OVCH1: variants seen among roughly 807,000 people sequenced by gnomAD.
OVCH1 encodes ovochymase 1.
A neutral mutation model predicts 138.4 loss-of-function variants in OVCH1; 139 were observed. The observed-to-expected ratio is 1.00, with a 90% CI of 0.87 to 1.16. The LOEUF (loss-of-function observed/expected upper bound fraction) is 1.16. OVCH1 is among the 50% of genes most tolerant of loss of function. OVCH1 has a pLI of 0.00. For synonymous variants in OVCH1, 453 were observed against 467.8 expected (o/e 0.97, Z 0.41); for missense variants, 1,367 against 1,357.9 (o/e 1.01, Z -0.11).
At chr12:29,409,284 G>A (rs898329656), downstream of OVCH1, among the ~76,000 whole-genome samples, 6 of 152,126 alleles carry the variant, frequency 3.9e-5, no homozygotes, top group Admixed American at 3.9e-4. Context: ...ATGTTTTGAA[G>A]GGTTTTTTGT....
At chr12:29,496,698 T>C (rs767649584) in intron 1 of OVCH1, 24 bp from the exon 2 acceptor site, 25 of 1,498,856 alleles carry the variant, frequency 1.7e-5, no homozygotes, top group Non-Finnish European at 2.3e-5. Context: ...CATGTGTGTG[T>C]GCACACACAG....
chr12:29,402,658 G>A, the OVCH1 span, among the ~76,000 whole-genome samples: 1 of 151,908 alleles, frequency 6.6e-6, no homozygotes, highest in East Asian at 1.9e-4. Context: ...GAAAAGAAAG[G>A]AGAAGAGGGA....
the OVCH1 span, among the ~76,000 whole-genome samples, chr12:29,403,125 C>T: frequency 6.6e-6 from 1 of 152,126 alleles, no homozygotes; most frequent in Non-Finnish European, 1.5e-5. Flanking sequence ...GCAAAATTTT[C>T]ATAATGTGGA....
chr12:29,487,843 C>T (rs776340207), exon 7 of OVCH1: 13 of 1,612,036 alleles, frequency 8.1e-6, no homozygotes, highest in Non-Finnish European at 2.5e-6. Flanking sequence ...ATCCAGATTC[C>T]ACCACCTCTT....
At chr12:29,496,071 G>A (rs1565618606) in intron 3 of OVCH1, 110 bp downstream of exon 3, 3 of 981,366 alleles carry the variant, frequency 3.1e-6, no homozygotes, top group Admixed American at 2.2e-5. Context: ...TACACTGGGA[G>A]GCAAAAGTAA....
chr12:29,405,105 A>G, the OVCH1 span, among the ~76,000 whole-genome samples: 2 of 151,716 alleles, frequency 1.3e-5, no homozygotes, highest in African/African-American at 2.4e-5. Flanking sequence ...AATATCAGCA[A>G]TTACACATAA....
At chr12:29,410,442 T>C (rs940294132), downstream of OVCH1, among the ~76,000 whole-genome samples, 1 of 151,512 alleles carries the variant, frequency 6.6e-6, no homozygotes, top group Non-Finnish European at 1.5e-5. Flanking sequence ...TTGCAGCGGC[T>C]GATACCGGTT....
intron 27 of OVCH1, among the ~76,000 whole-genome samples, chr12:29,433,266 C>A (rs1203130325): frequency 2.0e-5 from 3 of 152,138 alleles, no homozygotes; most frequent in Admixed American, 2.0e-4. Flanking sequence ...GTAATTGAAT[C>A]ATGGGGGTGG....
At chr12:29,423,283 G>T (rs1203070579), downstream of OVCH1, 2 of 455,664 alleles carry the variant, frequency 4.4e-6, no homozygotes, top group Admixed American at 4.7e-5. Flanking sequence ...CTCTTTCTTG[G>T]AGCCATGTAA....
the OVCH1 span, among the ~76,000 whole-genome samples, chr12:29,406,575 G>A: frequency 1.3e-5 from 2 of 151,208 alleles, no homozygotes; most frequent in African/African-American, 4.9e-5. Flanking sequence ...TTGTTCTTGT[G>A]ATAGTTTACT....
chr12:29,479,413 ATCTC>A (rs1282481092), intron 8 of OVCH1, among the ~76,000 whole-genome samples: 2 of 152,172 alleles, frequency 1.3e-5, no homozygotes, highest in South Asian at 2.1e-4. Context: ...TTAAAATGTC[ATCTC>A]TCTAACTCCC....
At chr12:29,405,021 CAAAAAAA>C in the OVCH1 span, among the ~76,000 whole-genome samples, 86 of 80,344 alleles carry the variant, frequency 1.1e-3, no homozygotes, top group East Asian at 6.0e-3. Context: ...CACTCCACCT[CAAAAAAA>C]AAAAAAAAAA....
chr12:29,455,981 T>G (rs77312406), intron 19 of OVCH1, among the ~76,000 whole-genome samples: 1 of 152,274 alleles, frequency 6.6e-6, no homozygotes, highest in Admixed American at 6.5e-5. Flanking sequence ...AGGGTGTTGG[T>G]GGTGAGGTGA....
intron 26 of OVCH1, among the ~76,000 whole-genome samples, chr12:29,438,238 A>G (rs1941400358): frequency 6.6e-6 from 1 of 152,160 alleles, no homozygotes; most frequent in Non-Finnish European, 1.5e-5. Context: ...GGTAATGCCA[A>G]ATTAACCACA....
intron 26 of OVCH1, among the ~76,000 whole-genome samples, chr12:29,436,859 A>C (rs914015311): frequency 1.3e-5 from 2 of 152,212 alleles, no homozygotes; most frequent in Non-Finnish European, 2.9e-5. Context: ...AAGAGTGAGC[A>C]GCAGCAAGAT....
At chr12:29,467,356 T>G (rs1942356953) in intron 16 of OVCH1, among the ~76,000 whole-genome samples, 1 of 152,142 alleles carries the variant, frequency 6.6e-6, no homozygotes, top group African/African-American at 2.4e-5. Flanking sequence ...TATCCTTCAG[T>G]TTAATGGAGA....
chr12:29,455,482 G>T, intron 19 of OVCH1, 77 bp from the exon 20 acceptor site: 1 of 1,418,374 alleles, frequency 7.1e-7, no homozygotes, highest in Non-Finnish European at 9.5e-7. Flanking sequence ...GAACAAGAAT[G>T]ACCAATAATG....
chr12:29,469,838 A>T (rs1362547021), intron 16 of OVCH1, among the ~76,000 whole-genome samples: 3 of 152,160 alleles, frequency 2.0e-5, no homozygotes, highest in African/African-American at 7.2e-5. Context: ...ATGCCACTGC[A>T]TTCCAGTCTG....
At chr12:29,445,868 A>G (rs1300815827) in intron 22 of OVCH1, among the ~76,000 whole-genome samples, 1 of 152,136 alleles carries the variant, frequency 6.6e-6, no homozygotes, top group Non-Finnish European at 1.5e-5. Flanking sequence ...TATAATCATA[A>G]TTCTAAAATG....
Sources: allele counts gnomAD v4.1 joint callset (sites outside exome capture counted in the v4.1 genomes callset), GRCh38; gene constraint gnomAD v4.1.1; transcripts MANE v1.5; gene names NCBI Gene and HGNC (gene_info 2026-07-23, HGNC 2026-07-21).